Variants in MTUS2 observed in about 807,000 individuals in gnomAD.
The protein encoded by MTUS2 is microtubule associated scaffold protein 2.
In MTUS2, 40 loss-of-function variants were observed where a neutral mutation model predicts 114.1. The ratio of observed to expected loss-of-function variants is 0.35; its 90% confidence interval spans 0.27 to 0.46. MTUS2 has a LOEUF of 0.46. Among genes scored for constraint, MTUS2 ranks in the 20% least tolerant of loss-of-function variants. The pLI, the probability that MTUS2 is intolerant of heterozygous loss-of-function variation, is 1.00. For synonymous variants in MTUS2, 688 were observed against 672.0 expected (o/e 1.02, Z -0.37); for missense variants, 1,679 against 1,705.4 (o/e 0.98, Z 0.27).
chr13:29,111,615 G>A (rs1326362726), intron 5 of MTUS2, among the ~76,000 whole-genome samples: 1 of 152,186 alleles, frequency 6.6e-6, no homozygotes, highest in Non-Finnish European at 1.5e-5. Flanking sequence ...AGCAAACATA[G>A]CTTCTAGATG....
At chr13:28,820,880 C>T (rs1873850195) in intron 1 of MTUS2, among the ~76,000 whole-genome samples, 1 of 152,182 alleles carries the variant, frequency 6.6e-6, no homozygotes, top group South Asian at 2.1e-4. Context: ...TTAGTTAAGG[C>T]GAGTTCTCCC....
intron 9 of MTUS2, among the ~76,000 whole-genome samples, chr13:29,478,210 T>C (rs1232429476): frequency 6.6e-6 from 1 of 152,218 alleles, no homozygotes; most frequent in African/African-American, 2.4e-5. Flanking sequence ...GCTGGATTCC[T>C]TTTCTAGAAA....
intron 2 of MTUS2, among the ~76,000 whole-genome samples, chr13:29,017,261 G>A (rs1011389450): frequency 3.9e-5 from 6 of 152,230 alleles, no homozygotes; most frequent in South Asian, 2.1e-4. Flanking sequence ...TTCATATTCT[G>A]TTCATTTTTC....
At chr13:28,988,515 A>G (rs956231831) in intron 2 of MTUS2, among the ~76,000 whole-genome samples, 1 of 152,204 alleles carries the variant, frequency 6.6e-6, no homozygotes, top group Non-Finnish European at 1.5e-5. Flanking sequence ...TTATTAATTC[A>G]TTTTGGAGAA....
chr13:29,399,055 G>A (rs1874128494), intron 8 of MTUS2, among the ~76,000 whole-genome samples: 2 of 152,212 alleles, frequency 1.3e-5, no homozygotes, highest in South Asian at 4.1e-4. Flanking sequence ...CTGCTCCACA[G>A]ACAGAGCAGC....
intron 12 of MTUS2, among the ~76,000 whole-genome samples, chr13:29,494,686 C>T (rs1426137632): frequency 6.6e-6 from 1 of 152,060 alleles, no homozygotes; most frequent in African/African-American, 2.4e-5. Context: ...CGGCGTACTG[C>T]ACTAATGCAC....
At chr13:28,981,510 C>T (rs1419649644) in intron 2 of MTUS2, among the ~76,000 whole-genome samples, 1 of 152,056 alleles carries the variant, frequency 6.6e-6, no homozygotes, top group Non-Finnish European at 1.5e-5. Context: ...TTTTTCAGAA[C>T]TCATAGAAGT....
chr13:29,108,175 A>G (rs1890744407), intron 5 of MTUS2, among the ~76,000 whole-genome samples: 1 of 152,222 alleles, frequency 6.6e-6, no homozygotes, highest in Non-Finnish European at 1.5e-5. Flanking sequence ...AACCCATCTC[A>G]TGTTCATCGG....
chr13:29,000,351 G>T (rs1885327252), intron 2 of MTUS2, among the ~76,000 whole-genome samples: 1 of 152,016 alleles, frequency 6.6e-6, no homozygotes, highest in Admixed American at 6.6e-5. Context: ...TTGGTTGACA[G>T]TGTTTTTTCC....
chr13:28,837,853 T>G (rs990896933), intron 1 of MTUS2, among the ~76,000 whole-genome samples: 3 of 152,176 alleles, frequency 2.0e-5, no homozygotes, highest in African/African-American at 4.8e-5. Flanking sequence ...TCCAAATATC[T>G]CTGTTTAAAG....
chr13:28,933,423 A>T (rs1054062630), intron 2 of MTUS2, among the ~76,000 whole-genome samples: 3 of 152,206 alleles, frequency 2.0e-5, no homozygotes. Flanking sequence ...TGATCGGATA[A>T]GGCCAACCCA....
chr13:28,823,493 C>G (rs1444203433), intron 1 of MTUS2, among the ~76,000 whole-genome samples: 3 of 152,182 alleles, frequency 2.0e-5, no homozygotes, highest in Non-Finnish European at 4.4e-5. Flanking sequence ...AACGGGTATA[C>G]CTTGTCTATC....
intron 2 of MTUS2, among the ~76,000 whole-genome samples, chr13:28,855,447 C>T (rs1876563935): frequency 6.6e-6 from 1 of 152,104 alleles, no homozygotes; most frequent in African/African-American, 2.4e-5. Flanking sequence ...CTGACAGGCC[C>T]CAGCGTGTGT....
chr13:29,339,199 T>G (rs769744471), intron 7 of MTUS2, among the ~76,000 whole-genome samples: 7 of 152,124 alleles, frequency 4.6e-5, no homozygotes, highest in Non-Finnish European at 8.8e-5. Flanking sequence ...GCTCTTCAAC[T>G]GGGCTGTGGC....
At chr13:29,038,448 C>G (rs943287792) in intron 4 of MTUS2, among the ~76,000 whole-genome samples, 1 of 152,160 alleles carries the variant, frequency 6.6e-6, no homozygotes, top group Non-Finnish European at 1.5e-5. Context: ...AGATACCAGC[C>G]GGAGCTCTCC....
intron 9 of MTUS2, among the ~76,000 whole-genome samples, chr13:29,464,294 G>A (rs1189384683): frequency 6.6e-6 from 1 of 152,250 alleles, no homozygotes; most frequent in Admixed American, 6.5e-5. Context: ...TCAGTAACCT[G>A]AGACTCCACT....
intron 4 of MTUS2, among the ~76,000 whole-genome samples, chr13:29,070,688 G>T (rs1319113880): frequency 9.7e-6 from 1 of 103,362 alleles, no homozygotes; most frequent in African/African-American, 3.0e-5. Context: ...TTTGAAACTT[G>T]TCTCTCTGTT....
At chr13:28,995,264 C>T (rs1263288438) in intron 2 of MTUS2, among the ~76,000 whole-genome samples, 1 of 152,186 alleles carries the variant, frequency 6.6e-6, no homozygotes, top group East Asian at 1.9e-4. Context: ...ATCTATATCT[C>T]TGTTTTGGTA....
chr13:29,257,838 A>G (rs79923758), intron 5 of MTUS2, among the ~76,000 whole-genome samples: 1,780 of 152,316 alleles, frequency 0.012, 34 homozygotes, highest in African/African-American at 0.041. Flanking sequence ...ACCACCTAGC[A>G]TATAGTAGTG....
Sources: gnomAD v4.1 joint callset for allele counts (sites outside exome capture counted in the v4.1 genomes callset) on GRCh38, gnomAD v4.1.1 for gene constraint, MANE v1.5 for transcripts, NCBI Gene and HGNC (gene_info 2026-07-23, HGNC 2026-07-21) for gene names.